The following DDHD1 variants were observed in gnomAD, a reference collection of about 807,000 sequenced individuals.
The protein encoded by DDHD1 is phospholipase DDHD1.
Under a neutral mutation model 96.4 loss-of-function variants are expected in DDHD1, and 49 were observed. The ratio of observed to expected loss-of-function variants is 0.51; its 90% CI spans 0.40 to 0.64. The LOEUF is 0.64. Among genes scored for constraint, DDHD1 ranks in the 30% least tolerant of loss-of-function variants. The pLI, the probability that DDHD1 is intolerant of heterozygous loss-of-function variation, is 0.00. For missense variants in DDHD1, 1,106 were observed against 1,161.2 expected (o/e 0.95, Z 0.69); for synonymous variants, 442 against 446.5 (o/e 0.99, Z 0.13).
At chr14:53,118,324 G>A (rs763123492) in intron 1 of DDHD1, among the ~76,000 whole-genome samples, 2 of 152,224 alleles carry the variant, frequency 1.3e-5, no homozygotes, top group Non-Finnish European at 2.9e-5. Context: ...TTGATGAGTT[G>A]ACAGAAGTAG....
At chr14:53,050,346 T>G (rs1017310471) in intron 12 of DDHD1, among the ~76,000 whole-genome samples, 1 of 152,160 alleles carries the variant, frequency 6.6e-6, no homozygotes, top group African/African-American at 2.4e-5. Context: ...GAAAATTTTG[T>G]CAAACCAAAT....
intron 6 of DDHD1, among the ~76,000 whole-genome samples, chr14:53,068,389 C>A (rs1377132637): frequency 6.6e-6 from 1 of 151,556 alleles, no homozygotes; most frequent in Non-Finnish European, 1.5e-5. Context: ...AGGACTACAG[C>A]CCAAACCACC....
At chr14:53,107,075 C>T (rs549227756) in intron 1 of DDHD1, among the ~76,000 whole-genome samples, 2 of 152,110 alleles carry the variant, frequency 1.3e-5, no homozygotes, top group African/African-American at 2.4e-5. Flanking sequence ...ATACAGTAGT[C>T]CCCCCTTATC....
chr14:53,152,840 C>T lies in DDHD1; in HGVS notation c.259G>A (p.Glu87Lys), dbSNP rs1891553460. ...TCGGCGGAGCTGAAGTCATAGTTCT[C>T]GTCACTGAGGCAGGGGTCCAGCGCG... ...HLALDPCLSDENYDFSSAESG... is the reference protein window; with the variant it reads ...HLALDPCLSDKNYDFSSAESG... The change falls in exon 1 of 13, where the codon GAG becomes AAG. Residue 87 changes from glutamate to lysine, a missense_variant. By Grantham distance (56) the Glu-to-Lys change is moderately conservative. Coordinates refer to ENST00000673822, the MANE Select transcript of DDHD1 (RefSeq NM_001160148.2). 1 of 1,612,070 alleles carries T rather than the reference C, an allele frequency of 6.2e-7. No homozygotes were observed. Among genetic ancestry groups the T allele is most frequent in the South Asian group, 1.1e-5 (1 of 90,950 alleles).
chr14:53,066,835 C>T lies in DDHD1; in HGVS notation c.1504-3630G>A, dbSNP rs1258127566. On this transcript the variant is annotated intron_variant, in intron 6 of 12. Transcript: ENST00000673822. ...CACAAAAATTGGCCAGGTGTATTGGCTCGTGCCCGTAGTCCCAGCTACTCA... is the reference window on the plus strand; with the variant it reads ...CACAAAAATTGGCCAGGTGTATTGGTTCGTGCCCGTAGTCCCAGCTACTCA... Among the ~76,000 whole-genome samples the T allele has an allele frequency of 3.9e-5, 6 of 151,938 alleles. No homozygotes were observed. In the East Asian group the frequency reaches 1.2e-3, roughly 30 times the overall value.
At chr14:53,085,328 G>A (rs879778826) in intron 4 of DDHD1, among the ~76,000 whole-genome samples, 1 of 152,178 alleles carries the variant, frequency 6.6e-6, no homozygotes, top group Admixed American at 6.5e-5. Context: ...CCTCAAGTGG[G>A]TCCCTGACCC....
chr14:53,058,104 C>T lies in DDHD1; in HGVS notation c.1992+373G>A, dbSNP rs550783609. ...CTGCCTGCCTTGGCCTCCCAAAGTGCTGGGATTACAGGCATGAGCACCACG... is the reference window on the plus strand; with the variant it reads ...CTGCCTGCCTTGGCCTCCCAAAGTGTTGGGATTACAGGCATGAGCACCACG... On this transcript the variant is annotated intron_variant, in intron 9 of 12. Coordinates refer to ENST00000673822, the MANE Select transcript of DDHD1 (RefSeq NM_001160148.2). Among the ~76,000 whole-genome samples, 5 of 152,210 alleles carry T rather than the reference C, an allele frequency of 3.3e-5. No individual in the cohort carries two copies. The East Asian group carries it at 9.7e-4, about 30-fold the overall frequency.
chr14:53,051,542 G>A (rs147521501), intron 12 of DDHD1, among the ~76,000 whole-genome samples: 10 of 151,980 alleles, frequency 6.6e-5, no homozygotes, highest in Non-Finnish European at 8.8e-5. Flanking sequence ...AACCTCTTTG[G>A]AGCCTTTAGG....
chr14:53,096,320 A>G (rs1886879979), intron 2 of DDHD1: 1 of 283,402 alleles, frequency 3.5e-6, no homozygotes, highest in Non-Finnish European at 5.3e-6. Context: ...GTTGTATTTG[A>G]AAAACATTAT....
chr14:53,138,478 T>C (rs567845291), intron 1 of DDHD1, among the ~76,000 whole-genome samples: 1 of 152,340 alleles, frequency 6.6e-6, no homozygotes, highest in African/African-American at 2.4e-5. Flanking sequence ...ATAATGATTG[T>C]ATTTTGGTGT....
chr14:53,145,474 GC>G (rs909671183), intron 1 of DDHD1, among the ~76,000 whole-genome samples: 3 of 130,880 alleles, frequency 2.3e-5, no homozygotes, highest in African/African-American at 9.0e-5. Flanking sequence ...CATTATTCTG[GC>G]CTAAGCGACA....
chr14:53,081,938 GAGGGAGAC>G (rs1403996734), intron 4 of DDHD1, among the ~76,000 whole-genome samples: 1 of 152,152 alleles, frequency 6.6e-6, no homozygotes, highest in Non-Finnish European at 1.5e-5. Context: ...AAAAGAGGAA[GAGGGAGAC>G]AGGGAGAGGG....
At chr14:53,085,128 A>C (rs1885829988) in intron 4 of DDHD1, among the ~76,000 whole-genome samples, 1 of 152,162 alleles carries the variant, frequency 6.6e-6, no homozygotes, top group African/African-American at 2.4e-5. Context: ...GGAAGCTCAA[A>C]CTGGGTGGAG....
intron 9 of DDHD1, among the ~76,000 whole-genome samples, chr14:53,056,693 G>T (rs187873496): frequency 6.6e-5 from 10 of 152,290 alleles, no homozygotes; most frequent in African/African-American, 2.4e-4. Flanking sequence ...CTCTCTTACA[G>T]AGATGTGAGA....
At chr14:53,107,557 G>A (rs574030991) in intron 1 of DDHD1, among the ~76,000 whole-genome samples, 2 of 152,290 alleles carry the variant, frequency 1.3e-5, no homozygotes, top group Admixed American at 6.5e-5. Flanking sequence ...TTGGGAGGCC[G>A]AGGCAGGAGG....
intron 1 of DDHD1, among the ~76,000 whole-genome samples, chr14:53,128,148 T>A (rs1053384391): frequency 6.6e-6 from 1 of 152,196 alleles, no homozygotes; most frequent in African/African-American, 2.4e-5. Flanking sequence ...ATTGTAAGTT[T>A]CCTGAGGCCT....
intron 1 of DDHD1, among the ~76,000 whole-genome samples, chr14:53,138,266 G>A (rs1486501517): frequency 6.6e-6 from 1 of 152,036 alleles, no homozygotes; most frequent in Non-Finnish European, 1.5e-5. Flanking sequence ...TTAGCCAGGT[G>A]TGGTGGTGCA....
chr14:53,058,681 C>T (rs902777367), intron 8 of DDHD1, 55 bp from the exon 9 acceptor site: 14 of 1,519,784 alleles, frequency 9.2e-6, no homozygotes, highest in Non-Finnish European at 1.2e-5. Context: ...TATCTTTCAA[C>T]AAAATTTGGG....
intron 3 of DDHD1, 57 bp downstream of exon 3, chr14:53,093,259 T>G: frequency 6.5e-7 from 1 of 1,535,480 alleles, no homozygotes; most frequent in Non-Finnish European, 8.8e-7. Flanking sequence ...ATTTTGAATA[T>G]GAGAGAAAGT....
Sources: allele counts gnomAD v4.1 joint callset (sites outside exome capture counted in the v4.1 genomes callset), GRCh38; gene constraint gnomAD v4.1.1; transcripts MANE v1.5; gene names NCBI Gene and HGNC (gene_info 2026-07-23, HGNC 2026-07-21).